The following BMAL1 variants were observed in gnomAD, a reference collection of about 807,000 sequenced individuals.
BMAL1 encodes basic helix-loop-helix ARNT like 1, also known as basic helix-loop-helix ARNT-like protein 1.
At chr11:13,314,611 A>G in the BMAL1 span, among the ~76,000 whole-genome samples, 95 of 152,306 alleles carry the variant, frequency 6.2e-4, no homozygotes, top group African/African-American at 2.1e-3. Flanking sequence ...TAGCAATTCA[A>G]AATGAAAAAT....
At chr11:13,284,122 G>GTATATATATA in the BMAL1 span, among the ~76,000 whole-genome samples, 5 of 81,438 alleles carry the variant, frequency 6.1e-5, 1 homozygote, top group East Asian at 3.4e-4. Context: ...ATATATATGT[G>GTATATATATA]TGTGTGTATA....
the BMAL1 span, among the ~76,000 whole-genome samples, chr11:13,278,726 C>T: frequency 1.3e-5 from 2 of 152,214 alleles, no homozygotes; most frequent in African/African-American, 4.8e-5. Context: ...GCCCGGAGCC[C>T]GGGTGCGGGC....
the BMAL1 span, among the ~76,000 whole-genome samples, chr11:13,297,283 A>C: frequency 6.6e-6 from 1 of 152,174 alleles, no homozygotes; most frequent in African/African-American, 2.4e-5. Context: ...TGGTTTTGAG[A>C]CAAGACAAGC....
chr11:13,325,695 G>GTGTGTGTGTGTGTGTGT, the BMAL1 span, among the ~76,000 whole-genome samples: 2 of 151,228 alleles, frequency 1.3e-5, no homozygotes, highest in African/African-American at 4.9e-5. Context: ...GTGTGTGTGT[G>GTGTGTGTGTGTGTGTGT]GGCTTGAATG....
chr11:13,280,976 G>A, the BMAL1 span, among the ~76,000 whole-genome samples: 1 of 152,184 alleles, frequency 6.6e-6, no homozygotes, highest in East Asian at 1.9e-4. Flanking sequence ...TTGTGGTCTT[G>A]GATGTGTGCT....
At chr11:13,304,377 G>T in the BMAL1 span, among the ~76,000 whole-genome samples, 1 of 152,194 alleles carries the variant, frequency 6.6e-6, no homozygotes, top group African/African-American at 2.4e-5. Context: ...AGAAAGAAAG[G>T]AGTCAAGATT....
the BMAL1 span, among the ~76,000 whole-genome samples, chr11:13,289,056 C>T: frequency 6.6e-6 from 1 of 152,216 alleles, no homozygotes; most frequent in African/African-American, 2.4e-5. Flanking sequence ...ATAGCCAAAG[C>T]AAATCACTTA....
the BMAL1 span, among the ~76,000 whole-genome samples, chr11:13,371,913 G>C: frequency 6.6e-6 from 1 of 152,158 alleles, no homozygotes; most frequent in East Asian, 1.9e-4. Context: ...GGAAGAGTTA[G>C]ATATTCCTTC....
At chr11:13,337,672 T>C in the BMAL1 span, among the ~76,000 whole-genome samples, 1 of 152,258 alleles carries the variant, frequency 6.6e-6, no homozygotes, top group African/African-American at 2.4e-5. Flanking sequence ...CTATTAAATT[T>C]TGACGGTTAT....
At chr11:13,375,799 T>G in the BMAL1 span, 8 of 1,510,114 alleles carry the variant, frequency 5.3e-6, no homozygotes, top group Admixed American at 7.2e-5. Context: ...TCCCCTTGCT[T>G]CAAACAGATG....
the BMAL1 span, among the ~76,000 whole-genome samples, chr11:13,364,825 G>C: frequency 7.8e-6 from 1 of 128,810 alleles, no homozygotes; most frequent in Non-Finnish European, 1.6e-5. Flanking sequence ...GGGGAGTTTT[G>C]CTTTTCTGAA....
chr11:13,284,192 ATGTG>A, the BMAL1 span, among the ~76,000 whole-genome samples: 17 of 59,606 alleles, frequency 2.9e-4, 1 homozygote, highest in African/African-American at 1.5e-3. Flanking sequence ...ATATATATAT[ATGTG>A]TGTATATATA....
the BMAL1 span, among the ~76,000 whole-genome samples, chr11:13,291,548 A>T: frequency 1.3e-5 from 2 of 152,204 alleles, no homozygotes; most frequent in Non-Finnish European, 2.9e-5. Context: ...AATTGCTTAG[A>T]GTTTAAGCAA....
At chr11:13,382,449 G>C in the BMAL1 span, among the ~76,000 whole-genome samples, 2 of 152,146 alleles carry the variant, frequency 1.3e-5, no homozygotes, top group Non-Finnish European at 2.9e-5. Context: ...ATATGTGAAA[G>C]TGCTTGGCCC....
the BMAL1 span, among the ~76,000 whole-genome samples, chr11:13,346,565 C>T: frequency 1.4e-4 from 21 of 152,314 alleles, no homozygotes; most frequent in South Asian, 1.2e-3. Flanking sequence ...AGGCCTCTCT[C>T]GACAGGGCAG....
At chr11:13,377,533 C>T in the BMAL1 span, among the ~76,000 whole-genome samples, 66,710 of 152,006 alleles carry the variant, frequency 0.44, 15,900 homozygotes, top group South Asian at 0.62. Context: ...TCTAGTCCCC[C>T]TCTCCCCACC....
At chr11:13,357,317 C>A in the BMAL1 span, among the ~76,000 whole-genome samples, 1 of 152,332 alleles carries the variant, frequency 6.6e-6, no homozygotes, top group Admixed American at 6.5e-5. This position sits in a 1 kb window ranked among gnomAD's most constrained non-coding sequence, Gnocchi z 4.8. Flanking sequence ...GCACCTTTAA[C>A]CTGAAGTGGA....
chr11:13,366,106 T>C, the BMAL1 span, among the ~76,000 whole-genome samples: 1 of 152,246 alleles, frequency 6.6e-6, no homozygotes, highest in Admixed American at 6.5e-5. Context: ...TTTTTATTCA[T>C]TTATTCATTC....
At chr11:13,326,727 A>T in the BMAL1 span, among the ~76,000 whole-genome samples, 4 of 4,916 alleles carry the variant, frequency 8.1e-4, no homozygotes, top group Non-Finnish European at 4.4e-3. Flanking sequence ...TATAGGTATT[A>T]TATATATATA....
Sources: allele counts gnomAD v4.1 joint callset (sites outside exome capture counted in the v4.1 genomes callset), GRCh38; gene constraint gnomAD v4.1.1; non-coding constraint Gnocchi (gnomAD v3.1); transcripts MANE v1.5; gene names NCBI Gene and HGNC (gene_info 2026-07-23, HGNC 2026-07-21).